GABRG1: variants seen among roughly 807,000 people sequenced by gnomAD.
The protein encoded by GABRG1 is gamma-aminobutyric acid type A receptor subunit gamma1, also known as gamma-aminobutyric acid receptor subunit gamma-1.
A neutral mutation model predicts 49.8 loss-of-function variants in GABRG1; 49 were observed. The ratio of observed to expected loss-of-function variants is 0.98; its 90% CI spans 0.78 to 1.25. GABRG1 has a LOEUF of 1.25. GABRG1 is among the 50% of genes most tolerant of loss of function. The probability of loss-of-function intolerance (pLI) is 0.00; values close to 1 mark genes in which losing one functional copy is unlikely to be tolerated. For missense variants in GABRG1, 552 were observed against 552.3 expected (o/e 1.00, Z 0.01); for synonymous variants, 232 against 185.1 (o/e 1.25, Z -2.06).
chr4:46,081,082 T>C (rs1427987402), intron 3 of GABRG1, among the ~76,000 whole-genome samples: 1 of 147,988 alleles, frequency 6.8e-6, no homozygotes, highest in Non-Finnish European at 1.5e-5. Flanking sequence ...CATTGTTTTG[T>C]CACTTTCTTG....
intron 4 of GABRG1, among the ~76,000 whole-genome samples, 182 bp downstream of exon 4, chr4:46,065,182 A>T (rs1718860034): frequency 6.6e-6 from 1 of 152,170 alleles, no homozygotes; most frequent in Admixed American, 6.6e-5. Flanking sequence ...AGTCCTTTTC[A>T]CATAATAATA....
At chr4:46,057,393 A>G (rs1252326252) in intron 7 of GABRG1, among the ~76,000 whole-genome samples, 2 of 152,070 alleles carry the variant, frequency 1.3e-5, no homozygotes, top group Admixed American at 6.6e-5. Flanking sequence ...CTTTCTTTAC[A>G]TATTTTTAAG....
intron 3 of GABRG1, among the ~76,000 whole-genome samples, chr4:46,066,535 C>T (rs1718928016): frequency 6.6e-6 from 1 of 151,980 alleles, no homozygotes; most frequent in Non-Finnish European, 1.5e-5. Flanking sequence ...AACTAATAAG[C>T]AGTTGATATG....
Position 46,076,361 on chromosome 4 carries a change from TCATATA to T in GABRG1, c.321+7619_321+7624del, listed in dbSNP as rs1413598922. On this transcript the variant is annotated intron_variant, in intron 3 of 8. Coordinates refer to ENST00000295452, the MANE Select transcript of GABRG1 (RefSeq NM_173536.4). ...TACCTAAATTTATCTTAGGTCATGT[TCATATA>T]TATATATATATATATATATATATAT... Among the ~76,000 whole-genome samples the T allele has an allele frequency of 8.1e-3, 631 of 78,130 alleles. 13 individuals are homozygous for T. Among genetic ancestry groups the T allele is most frequent in the Middle Eastern group, 0.021 (3 of 142 alleles). 51.3% of individuals were successfully genotyped at this position (78,130 alleles called of 152,430 possible).
At chr4:46,058,151 C>T in intron 7 of GABRG1, 66 bp downstream of exon 7, 1 of 1,461,054 alleles carries the variant, frequency 6.8e-7, no homozygotes, top group Non-Finnish European at 9.3e-7. Flanking sequence ...TGACTATGAA[C>T]TTTTATCACA....
rs1041071765 is a variant in GABRG1, at chr4:46,038,076, A to G, written c.*2912T>C. The stretch of plus-strand genomic sequence containing the variant: ...GATCAATTTTAAAAACTTATTAAAG[A>G]AATCTGTCTTTAACTTAAAATAAAA... On this transcript the variant is annotated 3_prime_UTR_variant, in exon 9 of 9. Transcript: ENST00000295452. 9.2e-5 allele frequency: 14 copies of G among 151,742 alleles called. No homozygotes were observed. The highest frequency in any genetic ancestry group is 3.4e-4 in the African/African-American group (14 of 41,416). The allele number at this position is 151,742 out of a possible 1,614,324, so 9.4% of individuals were successfully genotyped here.
At chr4:46,094,145 C>T (rs1720094826) in intron 2 of GABRG1, among the ~76,000 whole-genome samples, 1 of 151,882 alleles carries the variant, frequency 6.6e-6, no homozygotes, top group African/African-American at 2.4e-5. Flanking sequence ...CATAAATTCC[C>T]TGTGTCTTCA....
chr4:46,075,093 G>T (rs1427206024), intron 3 of GABRG1, among the ~76,000 whole-genome samples: 1 of 151,586 alleles, frequency 6.6e-6, no homozygotes, highest in Non-Finnish European at 1.5e-5. Context: ...ATTTTAAAAA[G>T]TCCTACCTAT....
At chr4:46,084,885 T>A (rs1719698307) in intron 2 of GABRG1, among the ~76,000 whole-genome samples, 1 of 151,600 alleles carries the variant, frequency 6.6e-6, no homozygotes, top group East Asian at 1.9e-4. Flanking sequence ...TAACTGTTTC[T>A]CCTTTGTTTC....
chr4:46,067,578 C>T (rs987631450), intron 3 of GABRG1, among the ~76,000 whole-genome samples: 7 of 152,130 alleles, frequency 4.6e-5, no homozygotes, highest in East Asian at 1.9e-4. Context: ...ATTTTGATTG[C>T]TGTGCTAGAG....
intron 3 of GABRG1, among the ~76,000 whole-genome samples, chr4:46,071,412 TACAC>T (rs960553684): frequency 2.0e-5 from 3 of 149,052 alleles, no homozygotes; most frequent in Non-Finnish European, 4.4e-5. Context: ...TAAATGAAAA[TACAC>T]ACACATATGT....
At chr4:46,059,758 T>G (rs1373452531) in intron 5 of GABRG1, among the ~76,000 whole-genome samples, 1 of 152,088 alleles carries the variant, frequency 6.6e-6, no homozygotes, top group African/African-American at 2.4e-5. Context: ...TTAACATGAA[T>G]GCATATTCTC....
intron 3 of GABRG1, among the ~76,000 whole-genome samples, chr4:46,070,714 G>C (rs904016966): frequency 6.6e-6 from 1 of 152,064 alleles, no homozygotes; most frequent in Admixed American, 6.6e-5. Context: ...AGTGCAAAAT[G>C]TGCAGGGAAG....
chr4:46,069,064 C>A (rs566519062), intron 3 of GABRG1, among the ~76,000 whole-genome samples: 1 of 152,168 alleles, frequency 6.6e-6, no homozygotes, highest in Admixed American at 6.6e-5. Context: ...GTGTGTAGTG[C>A]AGTCTCATTA....
chr4:46,114,820 C>G (rs111625387), intron 1 of GABRG1, among the ~76,000 whole-genome samples: 10 of 150,838 alleles, frequency 6.6e-5, no homozygotes, highest in African/African-American at 2.4e-4. Context: ...GATACCAATA[C>G]AAATTCATCA....
chr4:46,081,374 T>C (rs560786732), intron 3 of GABRG1, among the ~76,000 whole-genome samples: 1 of 151,990 alleles, frequency 6.6e-6, no homozygotes, highest in African/African-American at 2.4e-5. Context: ...GTTCATATTT[T>C]CTTGCACTAA....
intron 1 of GABRG1, among the ~76,000 whole-genome samples, chr4:46,118,063 CAT>C (rs1435353824): frequency 1.6e-5 from 2 of 128,414 alleles, no homozygotes; most frequent in East Asian, 2.1e-4. Flanking sequence ...TGTATGTATA[CAT>C]ATGTGTGTGT....
At chr4:46,085,506 T>G (rs1007295055) in intron 2 of GABRG1, among the ~76,000 whole-genome samples, 1 of 151,578 alleles carries the variant, frequency 6.6e-6, no homozygotes, top group Non-Finnish European at 1.5e-5. Flanking sequence ...GTGAAAGCTA[T>G]GACGAATCTT....
At position 46,037,865 on chromosome 4, in the gene GABRG1, C is replaced by G. The variant is rs1717590231; in HGVS notation, c.*3123G>C. On this transcript the variant is annotated 3_prime_UTR_variant, in exon 9 of 9. Transcript: ENST00000295452. ...CTATGGGGCCCTTGGTGTGAGAGAA[C>G]TGTAGCCTATTCTTTTTTATGCTGA... The G allele has an allele frequency of 6.6e-6, 1 of 151,572 alleles. No individual in the cohort carries two copies. Among genetic ancestry groups the G allele is most frequent in the South Asian group, 2.1e-4 (1 of 4,828 alleles). 9.4% of individuals were successfully genotyped at this position (151,572 alleles called of 1,614,324 possible).
Sources: gnomAD v4.1 joint callset for allele counts (sites outside exome capture counted in the v4.1 genomes callset) on GRCh38, gnomAD v4.1.1 for gene constraint, MANE v1.5 for transcripts, NCBI Gene and HGNC (gene_info 2026-07-23, HGNC 2026-07-21) for gene names.